Variants in SOX5 observed in about 807,000 individuals in gnomAD.
SOX5 encodes the protein transcription factor SOX-5.
Under a neutral mutation model 92.0 loss-of-function variants are expected in SOX5, and 9 were observed. The ratio of observed to expected loss-of-function variants is 0.10; its 90% CI spans 0.06 to 0.17. The LOEUF (loss-of-function observed/expected upper bound fraction) is 0.17. SOX5 is among the 10% of genes least tolerant of loss of function. The pLI is 1.00. For missense variants in SOX5, 642 were observed against 944.5 expected, an observed-to-expected ratio of 0.68 and a Z score of 4.20; for synonymous variants, 344 against 336.3, an observed-to-expected ratio of 1.02 and a Z score of -0.25.
At chr12:23,865,701 G>C (rs1444725705) in intron 2 of SOX5, among the ~76,000 whole-genome samples, 1 of 152,026 alleles carries the variant, frequency 6.6e-6, no homozygotes, top group Non-Finnish European at 1.5e-5. Context: ...AATACATTTT[G>C]TAAGGCTATT....
intron 6 of SOX5, among the ~76,000 whole-genome samples, chr12:23,691,546 T>C (rs575430318): frequency 6.6e-6 from 1 of 152,206 alleles, no homozygotes; most frequent in Non-Finnish European, 1.5e-5. Context: ...ACTAAGTCAA[T>C]TTATTTAATG....
intron 4 of SOX5, among the ~76,000 whole-genome samples, chr12:23,989,149 AG>A: frequency 6.7e-6 from 1 of 149,394 alleles, no homozygotes; most frequent in Non-Finnish European, 1.5e-5. Flanking sequence ...CAAGGCAGGT[AG>A]ATCACCTGAG....
At chr12:23,735,612 A>G (rs778965981) in intron 5 of SOX5, among the ~76,000 whole-genome samples, 56 of 152,140 alleles carry the variant, frequency 3.7e-4, no homozygotes, top group Non-Finnish European at 6.9e-4. Context: ...GTGCTTCTAA[A>G]TGTGCTTCTC....
chr12:24,533,651 C>T (rs1386755739), intron 1 of SOX5, among the ~76,000 whole-genome samples: 1 of 152,024 alleles, frequency 6.6e-6, no homozygotes, highest in Non-Finnish European at 1.5e-5. Flanking sequence ...TTTTTAAAAA[C>T]TGTTATTGCA....
At chr12:24,056,614 C>G (rs1461467815) in intron 4 of SOX5, among the ~76,000 whole-genome samples, 1 of 152,068 alleles carries the variant, frequency 6.6e-6, no homozygotes, top group Non-Finnish European at 1.5e-5. Flanking sequence ...TAAAATGACT[C>G]ATCATTCTGT....
At chr12:23,782,556 G>A (rs1008367964) in intron 3 of SOX5, among the ~76,000 whole-genome samples, 1 of 152,122 alleles carries the variant, frequency 6.6e-6, no homozygotes, top group African/African-American at 2.4e-5. Context: ...AAGAACAGCA[G>A]ATTTAATGAA....
At chr12:23,646,502 A>C (rs1371401067) in intron 7 of SOX5, among the ~76,000 whole-genome samples, 18 of 152,192 alleles carry the variant, frequency 1.2e-4, no homozygotes, top group Non-Finnish European at 2.6e-4. Flanking sequence ...TGAAGTTTGC[A>C]GCATTGATTG....
intron 1 of SOX5, among the ~76,000 whole-genome samples, chr12:24,495,115 C>T (rs1391119833): frequency 2.6e-5 from 4 of 152,134 alleles, no homozygotes; most frequent in African/African-American, 9.7e-5. Context: ...AAATTAAGGA[C>T]ATCTAGTTAT....
Position 23,701,325 on chromosome 12 carries a change from G to C in SOX5, c.810+33359C>G, listed in dbSNP as rs117314669. On this transcript the variant is annotated intron_variant, in intron 6 of 14. Transcript: ENST00000451604. ...GAAATCATACACAAGCTTTTCTTAAGAGAAATTGGAATTCTGAGGTTTCTT... is the reference window on the plus strand; with the variant it reads ...GAAATCATACACAAGCTTTTCTTAACAGAAATTGGAATTCTGAGGTTTCTT... Among the ~76,000 whole-genome samples, 826 of 151,926 alleles carry C rather than the reference G, an allele frequency of 5.4e-3. 6 individuals carry two copies. Among genetic ancestry groups the C allele is most frequent in the Non-Finnish European group, 8.0e-3 (542 of 67,930 alleles).
At position 24,108,206 on chromosome 12, in the gene SOX5, C is replaced by A. The variant is rs139731477; in HGVS notation, c.-2+105137G>T. Among the ~76,000 whole-genome samples the A allele has an allele frequency of 6.4e-4, 98 of 152,194 alleles. 1 individual carries two copies. The highest frequency in any genetic ancestry group is 2.3e-3 in the African/African-American group (95 of 41,542). On this transcript the variant is annotated intron_variant, in intron 4 of 4. Coordinates refer to the SOX5 transcript ENST00000446891. ...TCCAAGCTATATCCACCCTAATTGT[C>A]GAATAATTTCCATTGTTCACTTTGT...
At chr12:24,061,976 C>T (rs1426090744) in intron 4 of SOX5, among the ~76,000 whole-genome samples, 1 of 151,776 alleles carries the variant, frequency 6.6e-6, no homozygotes, top group Non-Finnish European at 1.5e-5. Flanking sequence ...TTCATATAGC[C>T]ATTTGAGAGA....
chr12:23,672,058 A>C (rs2139595092), intron 6 of SOX5, among the ~76,000 whole-genome samples: 1 of 152,242 alleles, frequency 6.6e-6, no homozygotes, highest in East Asian at 1.9e-4. Flanking sequence ...CTTGGCTGCC[A>C]AAGTGGAAAA....
intron 4 of SOX5, among the ~76,000 whole-genome samples, chr12:24,003,732 T>TA (rs1569464535): frequency 6.6e-6 from 1 of 150,716 alleles, no homozygotes. Context: ...TAGATATGCC[T>TA]ACATATTAAA....
intron 6 of SOX5, among the ~76,000 whole-genome samples, chr12:23,695,738 G>A (rs1285925529): frequency 6.6e-6 from 1 of 151,660 alleles, no homozygotes; most frequent in Admixed American, 6.6e-5. Context: ...TCAGGAGATC[G>A]AGACCATCCT....
chr12:24,545,037 G>T (rs945706764), intron 1 of SOX5, among the ~76,000 whole-genome samples: 10 of 152,104 alleles, frequency 6.6e-5, no homozygotes, highest in Non-Finnish European at 1.3e-4. Flanking sequence ...TACATGATCA[G>T]AAAAATTAGG....
At position 23,704,713 on chromosome 12, in the gene SOX5, T is replaced by TATATATATATATATAC. The variant is rs1305435619; in HGVS notation, c.810+29970_810+29971insGTATATATATATATAT. Reference sequence around the variant, plus strand: ...ATATATATATATATATATATATATATATACACACACACACACACATACACA... The same window carrying TATATATATATATATAC: ...ATATATATATATATATATATATATATATATATATATATATACATACACACACACACACACATACACA... On this transcript the variant is annotated intron_variant, in intron 6 of 14. Transcript: ENST00000451604. Among the ~76,000 whole-genome samples, 23 of 89,068 alleles carry TATATATATATATATAC rather than the reference T, an allele frequency of 2.6e-4. No homozygotes were observed. The East Asian group carries it at 3.9e-3, about 15-fold the overall frequency. The allele number at this position is 89,068 out of a possible 152,430, so 58.4% of individuals were successfully genotyped here.
chr12:23,941,578 T>C (rs1425729688), intron 1 of SOX5, among the ~76,000 whole-genome samples: 1 of 151,564 alleles, frequency 6.6e-6, no homozygotes, highest in African/African-American at 2.4e-5. Flanking sequence ...TTCATAGTTA[T>C]CTTTCTTTTA....
intron 3 of SOX5, among the ~76,000 whole-genome samples, chr12:23,759,592 C>T (rs2094508186): frequency 6.6e-6 from 1 of 152,014 alleles, no homozygotes; most frequent in South Asian, 2.1e-4. Context: ...ATAATGAGCA[C>T]AATGAATGGA....
chr12:24,205,946 GCAAGT>G (rs1037848383), intron 4 of SOX5, among the ~76,000 whole-genome samples: 2 of 152,166 alleles, frequency 1.3e-5, no homozygotes, highest in African/African-American at 4.8e-5. Flanking sequence ...ATCTGTGTTT[GCAAGT>G]CAAGTCTGTA....
Sources: allele counts gnomAD v4.1 joint callset (sites outside exome capture counted in the v4.1 genomes callset), GRCh38; gene constraint gnomAD v4.1.1; transcripts MANE v1.5; gene names NCBI Gene and HGNC (gene_info 2026-07-23, HGNC 2026-07-21).